Variants in TEX2 observed in about 807,000 individuals in gnomAD.
TEX2 encodes the protein testis expressed 2.
A neutral mutation model predicts 106.9 loss-of-function variants in TEX2; 53 were observed. The ratio of observed to expected loss-of-function variants is 0.50; its 90% CI spans 0.40 to 0.62. TEX2 has a LOEUF of 0.62. Ranked by LOEUF, TEX2 falls within the 20% of genes least tolerant of loss-of-function variation. The probability of loss-of-function intolerance (pLI) is 0.00; values close to 1 mark genes in which losing one functional copy is unlikely to be tolerated. For synonymous variants in TEX2, 523 were observed against 534.8 expected (o/e 0.98, Z 0.30); for missense variants, 1,207 against 1,379.0 (o/e 0.88, Z 1.98).
chr17:64,233,986 C>T (rs1337357132), intron 1 of TEX2, among the ~76,000 whole-genome samples: 2 of 152,186 alleles, frequency 1.3e-5, no homozygotes, highest in Admixed American at 6.5e-5. Context: ...AGCTGGCCCC[C>T]GCCAGGGCCT....
chr17:64,166,496 A>G (rs748552324), intron 7 of TEX2, among the ~76,000 whole-genome samples: 18 of 152,204 alleles, frequency 1.2e-4, no homozygotes, highest in Non-Finnish European at 2.4e-4. Context: ...TGACCCGGGC[A>G]AGTCACCCCT....
chr17:64,252,179 T>C (rs781880771), intron 1 of TEX2, among the ~76,000 whole-genome samples: 7 of 152,220 alleles, frequency 4.6e-5, no homozygotes, highest in Non-Finnish European at 1.0e-4. Context: ...GACAAGGGCA[T>C]GGAACATGGT....
intron 5 of TEX2, among the ~76,000 whole-genome samples, chr17:64,187,855 TC>T (rs928016748): frequency 2.6e-5 from 4 of 151,774 alleles, no homozygotes; most frequent in African/African-American, 9.7e-5. Context: ...TGACCACCCA[TC>T]CAAAATAGCA....
At chr17:64,254,390 C>T (rs1235627385) in intron 1 of TEX2, among the ~76,000 whole-genome samples, 1 of 152,206 alleles carries the variant, frequency 6.6e-6, no homozygotes, top group Admixed American at 6.5e-5. Flanking sequence ...TCTATCCTAT[C>T]ACCAGGAATG....
intron 1 of TEX2, among the ~76,000 whole-genome samples, chr17:64,249,328 T>TG (rs2034048554): frequency 6.6e-6 from 1 of 152,172 alleles, no homozygotes; most frequent in Admixed American, 6.5e-5. Context: ...GACACTCCAC[T>TG]GGAGCACTGT....
intron 7 of TEX2, 124 bp downstream of exon 7, chr17:64,170,976 C>T: frequency 1.3e-6 from 1 of 749,674 alleles, no homozygotes; most frequent in Non-Finnish European, 2.2e-6. Flanking sequence ...AACAGAAAGA[C>T]ACTCAACATG....
At chr17:64,165,480 C>A (rs1450689525) in intron 7 of TEX2, among the ~76,000 whole-genome samples, 1 of 152,222 alleles carries the variant, frequency 6.6e-6, no homozygotes, top group Non-Finnish European at 1.5e-5. Context: ...CTTCCCGTAG[C>A]ACAGTCTGGT....
At chr17:64,155,498 C>T (rs143823241) in intron 8 of TEX2, 1 of 152,230 alleles carries the variant, frequency 6.6e-6, no homozygotes, top group African/African-American at 2.4e-5. Context: ...ACTCATGACT[C>T]CTTTCCAGTG....
intron 2 of TEX2, among the ~76,000 whole-genome samples, chr17:64,207,373 G>A (rs2144003387): frequency 6.6e-6 from 1 of 152,228 alleles, no homozygotes; most frequent in East Asian, 1.9e-4. Flanking sequence ...TCTCGGTCCT[G>A]GGCTGGGCCT....
chr17:64,175,733 C>A (rs1017101158), intron 6 of TEX2, among the ~76,000 whole-genome samples: 2 of 152,242 alleles, frequency 1.3e-5, no homozygotes, highest in East Asian at 1.9e-4. Context: ...TGCACCAGCA[C>A]TCCTGGCTCA....
rs1379319785 is a variant in TEX2 at position 64,185,048 on chromosome 17, C to T, written c.2424+3120G>A. Among the ~76,000 whole-genome samples, 1 of 152,084 alleles carries T rather than the reference C, an allele frequency of 6.6e-6. No homozygotes were observed. Among genetic ancestry groups the T allele is most frequent in the Non-Finnish European group, 1.5e-5 (1 of 68,030 alleles). ...CTGCCAGTTACAGACTTCCTGGTTT[C>T]TATTTGACTCCTATTTGCTCTGTAA... On this transcript the variant is annotated intron_variant, in intron 5 of 11. Coordinates refer to ENST00000584379, the MANE Select transcript of TEX2 (RefSeq NM_001288732.2). The surrounding 1 kb of genome is among the most constrained non-coding windows in gnomAD (Gnocchi z 4.0).
At chr17:64,200,438 C>A (rs142329676) in intron 2 of TEX2, among the ~76,000 whole-genome samples, 89 of 152,312 alleles carry the variant, frequency 5.8e-4, no homozygotes, top group African/African-American at 2.1e-3. Flanking sequence ...AGGCATTCAA[C>A]CCAGCAACCT....
At chr17:64,212,087 A>T (rs556628584) in intron 2 of TEX2, among the ~76,000 whole-genome samples, 3 of 152,216 alleles carry the variant, frequency 2.0e-5, no homozygotes, top group Non-Finnish European at 4.4e-5. Flanking sequence ...ATGCAGTGAA[A>T]GATGACATCT....
Position 64,217,180 on chromosome 17 carries a change from G to A in TEX2, c.-25-2938C>T, listed in dbSNP as rs782687670. ...TGGGTAATTGAGTGTGCTAGAACCAGAGACCATGGTTTGGGCTCTAGACAA... is the reference window on the plus strand; with the variant it reads ...TGGGTAATTGAGTGTGCTAGAACCAAAGACCATGGTTTGGGCTCTAGACAA... On this transcript the variant is annotated intron_variant, in intron 1 of 11. Transcript: ENST00000584379. This position sits in a 1 kb window ranked among gnomAD's most constrained non-coding sequence, Gnocchi z 4.3. 6.6e-6 allele frequency among the ~76,000 whole-genome samples: 1 copy of A among 152,216 alleles called. No homozygotes were observed. The highest frequency in any genetic ancestry group is 1.5e-5 in the Non-Finnish European group (1 of 68,040).
intron 1 of TEX2, chr17:64,242,167 T>G (rs1402486696): frequency 6.6e-6 from 1 of 152,220 alleles, no homozygotes; most frequent in Non-Finnish European, 1.5e-5. Flanking sequence ...AAGAGGAATG[T>G]TTATAGTTGA....
At position 64,147,391 on chromosome 17, in the gene TEX2, C is replaced by T. The variant is rs528581489; in HGVS notation, c.*1578G>A. On this transcript the variant is annotated 3_prime_UTR_variant, in exon 12 of 12. Transcript: ENST00000584379. ...GTGCTCTGTACTCATTTTATTGTGC[C>T]CCTATCTGAACAGGATTCCGTAGAA... 5.3e-5 allele frequency: 8 copies of T among 151,810 alleles called. No homozygotes were observed. The highest frequency in any genetic ancestry group is 8.8e-5 in the Non-Finnish European group (6 of 68,008). The allele number at this position is 151,810 out of a possible 1,614,324, so 9.4% of individuals were successfully genotyped here. A position where few individuals can be genotyped will look rare whatever the true frequency, so the allele number is the denominator to read the frequency against.
intron 1 of TEX2, among the ~76,000 whole-genome samples, chr17:64,223,147 G>A (rs181648616): frequency 2.6e-5 from 4 of 152,238 alleles, no homozygotes; most frequent in African/African-American, 9.6e-5. Flanking sequence ...AGCCAACTGC[G>A]CTCTGTGTCA....
intron 1 of TEX2, among the ~76,000 whole-genome samples, chr17:64,237,666 G>C (rs917528780): frequency 1.3e-5 from 2 of 152,140 alleles, no homozygotes; most frequent in Admixed American, 1.3e-4. Context: ...GGAAGAAGGT[G>C]TTCTTAAGCC....
intron 5 of TEX2, among the ~76,000 whole-genome samples, chr17:64,183,159 G>A (rs1294036916): frequency 6.6e-6 from 1 of 152,202 alleles, no homozygotes; most frequent in Non-Finnish European, 1.5e-5. Flanking sequence ...ACCCACCTCA[G>A]CCTTCCGAAC....
Sources: gnomAD v4.1 joint callset for allele counts (sites outside exome capture counted in the v4.1 genomes callset) on GRCh38, gnomAD v4.1.1 for gene constraint, Gnocchi (gnomAD v3.1) non-coding constraint, MANE v1.5 for transcripts, NCBI Gene and HGNC (gene_info 2026-07-23, HGNC 2026-07-21) for gene names.